Variants in ADGRB1 observed in about 807,000 individuals in gnomAD.
ADGRB1 encodes adhesion G protein-coupled receptor B1, also known as brain-specific angiogenesis inhibitor 1.
In ADGRB1, 36 loss-of-function variants were observed where a neutral mutation model predicts 175.7. That is an observed-to-expected ratio of 0.20 (90% confidence interval 0.16 to 0.27). The LOEUF (loss-of-function observed/expected upper bound fraction) is 0.27. Ranked by LOEUF, ADGRB1 falls within the 10% of genes least tolerant of loss-of-function variation. The probability of loss-of-function intolerance (pLI) is 1.00; values close to 1 mark genes in which losing one functional copy is unlikely to be tolerated. For missense variants in ADGRB1, 1,731 were observed against 2,255.3 expected (o/e 0.77, Z 4.71); for synonymous variants, 1,054 against 979.4 (o/e 1.08, Z -1.42).
Position 142,510,423 on chromosome 8 carries a change from C to A in ADGRB1, c.2676-509C>A, listed in dbSNP as rs571367925. 2.6e-3 allele frequency among the ~76,000 whole-genome samples: 393 copies of A among 152,090 alleles called. No homozygotes were observed. The highest frequency in any genetic ancestry group is 3.9e-3 in the Non-Finnish European group (262 of 67,946). ...CGTCAGCTCCAGCCGGCGCCCTGGG[C>A]CGCGGGGCCGGAGAGCTCCGGAGCG... On this transcript the variant is annotated intron_variant, in intron 17 of 30. Transcript: ENST00000517894. The surrounding 1 kb of genome is among the most constrained non-coding windows in gnomAD (Gnocchi z 6.3).
chr8:142,450,177 G>A (rs1839253197), intron 1 of ADGRB1, 73 bp downstream of exon 1: 1 of 142,436 alleles, frequency 7.0e-6, no homozygotes, highest in Admixed American at 6.9e-5. Flanking sequence ...GGGGTCGGGG[G>A]AGGGGCGGGC....
At chr8:142,468,648 A>G (rs1840414794) in intron 2 of ADGRB1, among the ~76,000 whole-genome samples, 1 of 152,204 alleles carries the variant, frequency 6.6e-6, no homozygotes, top group South Asian at 2.1e-4. Context: ...GGGCCTTCAC[A>G]CAGCTGTTCC....
intron 2 of ADGRB1, among the ~76,000 whole-genome samples, chr8:142,472,246 C>T (rs900948549): frequency 3.3e-5 from 5 of 152,244 alleles, no homozygotes; most frequent in Admixed American, 2.0e-4. Context: ...CAGTCTGGGG[C>T]GCCAGGGTGG....
intron 2 of ADGRB1, among the ~76,000 whole-genome samples, chr8:142,465,821 A>G (rs1563681227): frequency 6.6e-6 from 1 of 152,118 alleles, no homozygotes; most frequent in East Asian, 1.9e-4. Flanking sequence ...TCATGCCAGG[A>G]AGAGAGAACG....
intron 11 of ADGRB1, among the ~76,000 whole-genome samples, chr8:142,483,346 T>C (rs2131840597): frequency 1.1e-5 from 1 of 87,748 alleles, no homozygotes; most frequent in East Asian, 3.8e-4. Context: ...CTGGTCACAC[T>C]GAGCCCTGAC....
rs778025943 is a variant in ADGRB1, at chr8:142,478,272, G to A, written c.1473G>A (p.Thr491=). 7 of 1,610,418 alleles carry A rather than the reference G, an allele frequency of 4.3e-6. No homozygotes were observed. Among genetic ancestry groups the A allele is most frequent in the South Asian group, 2.2e-5 (2 of 90,346 alleles). ...ASCSQGRQQR[T]RECNGPSYGG... The stretch of plus-strand genomic sequence containing the variant: ...GCTCCCAGGGCCGACAGCAGCGCAC[G>A]CGTGAATGCAACGGGCCTTCCTACG... The change falls in exon 7 of 31, where the codon ACG becomes ACA. Residue 491 remains threonine (T), a synonymous_variant. Transcript: ENST00000517894.
chr8:142,488,248 C>A, intron 13 of ADGRB1, 116 bp from the exon 14 acceptor site: 2 of 1,418,122 alleles, frequency 1.4e-6, no homozygotes, highest in South Asian at 1.3e-5. Context: ...GCCATGGGCA[C>A]CCCGCGGCAT....
At chr8:142,516,508 G>C (rs1304561433) in intron 18 of ADGRB1, among the ~76,000 whole-genome samples, 1 of 146,940 alleles carries the variant, frequency 6.8e-6, no homozygotes, top group Non-Finnish European at 1.5e-5. Flanking sequence ...GGCCCCAGGT[G>C]CGTGCGTGTG....
At chr8:142,519,329 T>C (rs1016261133) in intron 19 of ADGRB1, among the ~76,000 whole-genome samples, 4 of 152,056 alleles carry the variant, frequency 2.6e-5, no homozygotes, top group Non-Finnish European at 5.9e-5. Context: ...GTGGTCCCCA[T>C]GAGGAAGTGG....
At chr8:142,454,016 G>A (rs1224504007) in intron 1 of ADGRB1, among the ~76,000 whole-genome samples, 2 of 152,176 alleles carry the variant, frequency 1.3e-5, no homozygotes, top group African/African-American at 4.8e-5. Context: ...GACCAGACCT[G>A]AGCCCTGAAG....
At chr8:142,462,981 C>T (rs2131667501) in intron 1 of ADGRB1, among the ~76,000 whole-genome samples, 1 of 152,342 alleles carries the variant, frequency 6.6e-6, no homozygotes, top group South Asian at 2.1e-4. Flanking sequence ...CCTGGGCCCT[C>T]TCCTGGAGCT....
intron 24 of ADGRB1, among the ~76,000 whole-genome samples, chr8:142,528,277 G>A (rs551774585): frequency 2.6e-5 from 4 of 152,318 alleles, no homozygotes; most frequent in East Asian, 1.9e-4. Flanking sequence ...TTGTGCAGAC[G>A]GAGGCAGGGT....
intron 25 of ADGRB1, among the ~76,000 whole-genome samples, 191 bp downstream of exon 25, chr8:142,533,657 T>G (rs1325203824): frequency 6.6e-6 from 1 of 152,002 alleles, no homozygotes; most frequent in Non-Finnish European, 1.5e-5. Flanking sequence ...CCACTCTCCC[T>G]GGGAGCGGCC....
chr8:142,469,233 ATG>A (rs1431814807), intron 2 of ADGRB1, among the ~76,000 whole-genome samples: 1 of 145,038 alleles, frequency 6.9e-6, no homozygotes, highest in African/African-American at 2.6e-5. Context: ...GTGAATGTGA[ATG>A]TGTGCACACA....
At chr8:142,456,424 C>T (rs894661444) in intron 1 of ADGRB1, among the ~76,000 whole-genome samples, 1 of 152,170 alleles carries the variant, frequency 6.6e-6, no homozygotes, top group Non-Finnish European at 1.5e-5. Flanking sequence ...ACACCCTGCA[C>T]GTGCACACAC....
In ADGRB1 at chr8:142,481,775, A is replaced by C. The variant is rs1191163755; in HGVS notation, c.2130+64A>C. 6 of 1,385,948 alleles carry C rather than the reference A, an allele frequency of 4.3e-6. No individual in the cohort carries two copies. In the African/African-American group the frequency reaches 7.3e-5, roughly 17 times the overall value. 85.9% of individuals were successfully genotyped at this position (1,385,948 alleles called of 1,614,324 possible). A position where few individuals can be genotyped will look rare whatever the true frequency, so the allele number is the denominator to read the frequency against. ...GAAGGTGTCTGGGGAGCCCTCCTCG[A>C]CCTTAGAGATGGATCCCCAACCCTG... On this transcript the variant is annotated intron_variant, in intron 11 of 30. Transcript: ENST00000517894.
chr8:142,534,308 G>A (rs565667073), intron 25 of ADGRB1, among the ~76,000 whole-genome samples: 17 of 152,322 alleles, frequency 1.1e-4, no homozygotes, highest in South Asian at 4.1e-4. Flanking sequence ...GCCTTAGGTG[G>A]CGATTTCCAT....
rs771658112 is a variant in ADGRB1, at chr8:142,478,326, G to T, written c.1527G>T (p.Val509=). ...GTGCGGAGTGCCAGGGCCACTGGGT[G>T]GAGACCCGAGACTGCTTCCTGCAGC... ...YGGAECQGHW[V]ETRDCFLQQC... Residue 509 remains valine (V), a synonymous_variant, in exon 7 of 31, where the codon GTG becomes GTT. Transcript: ENST00000517894. 1 of 1,609,354 alleles carries T rather than the reference G, an allele frequency of 6.2e-7. No homozygotes were observed. Among genetic ancestry groups the T allele is most frequent in the Non-Finnish European group, 8.5e-7 (1 of 1,178,464 alleles).
intron 23 of ADGRB1, among the ~76,000 whole-genome samples, chr8:142,525,800 G>T (rs1406379966): frequency 6.6e-6 from 1 of 152,138 alleles, no homozygotes; most frequent in Admixed American, 6.5e-5. Flanking sequence ...TGCCCCTCGG[G>T]GTCCTAGCAG....
Sources: gnomAD v4.1 joint callset for allele counts (sites outside exome capture counted in the v4.1 genomes callset) on GRCh38, gnomAD v4.1.1 for gene constraint, Gnocchi (gnomAD v3.1) non-coding constraint, MANE v1.5 for transcripts, NCBI Gene and HGNC (gene_info 2026-07-23, HGNC 2026-07-21) for gene names.